CTNNA2: variants seen among roughly 807,000 people sequenced by gnomAD.
CTNNA2 encodes the protein catenin alpha-2.
Under a neutral mutation model 101.0 loss-of-function variants are expected in CTNNA2, and 42 were observed. The ratio of observed to expected loss-of-function variants is 0.42; its 90% CI spans 0.32 to 0.54. CTNNA2 has a LOEUF of 0.54. Ranked by LOEUF, CTNNA2 falls within the 20% of genes least tolerant of loss-of-function variation. CTNNA2 has a pLI of 0.14. For missense variants in CTNNA2, 871 were observed against 1,223.1 expected (o/e 0.71, Z 4.29); for synonymous variants, 450 against 456.4 (o/e 0.99, Z 0.18).
intron 1 of CTNNA2, among the ~76,000 whole-genome samples, chr2:79,637,741 C>T (rs972328564): frequency 6.6e-6 from 1 of 152,186 alleles, no homozygotes; most frequent in African/African-American, 2.4e-5. Context: ...TGTTCTGCCC[C>T]ACCAGACTTA....
At chr2:80,641,207 T>C (rs995942272) in intron 18 of CTNNA2, among the ~76,000 whole-genome samples, 1 of 152,160 alleles carries the variant, frequency 6.6e-6, no homozygotes, top group African/African-American at 2.4e-5. Context: ...AGTTCTTTTA[T>C]TTCAAAATCA....
intron 3 of CTNNA2, among the ~76,000 whole-genome samples, chr2:79,349,472 T>C (rs1677335463): frequency 1.3e-5 from 2 of 152,206 alleles, no homozygotes; most frequent in African/African-American, 4.8e-5. Context: ...CTTTGAAGAC[T>C]ATTATGCTAT....
intron 7 of CTNNA2, among the ~76,000 whole-genome samples, chr2:79,981,618 A>C (rs1691274869): frequency 6.6e-6 from 1 of 152,196 alleles, no homozygotes. Flanking sequence ...GCCACAGTAC[A>C]CAATAGACTT....
chr2:79,668,625 G>A (rs1682612995), intron 2 of CTNNA2, among the ~76,000 whole-genome samples: 2 of 152,094 alleles, frequency 1.3e-5, no homozygotes, highest in South Asian at 4.1e-4. Flanking sequence ...TGGACACAGT[G>A]AGTCACTATT....
chr2:79,521,671 A>C (rs1672128101), intron 1 of CTNNA2, among the ~76,000 whole-genome samples: 1 of 152,156 alleles, frequency 6.6e-6, no homozygotes, highest in Admixed American at 6.5e-5. Context: ...TTGGGTAAGT[A>C]AGCAGCAGTG....
chr2:79,249,235 A>T (rs185664110), intron 2 of CTNNA2, among the ~76,000 whole-genome samples: 1 of 152,168 alleles, frequency 6.6e-6, no homozygotes, highest in Admixed American at 6.5e-5. Context: ...AGCTATCATC[A>T]TATTTTTTCA....
At chr2:79,719,169 T>C (rs1457542215) in intron 2 of CTNNA2, among the ~76,000 whole-genome samples, 1 of 152,190 alleles carries the variant, frequency 6.6e-6, no homozygotes, top group Non-Finnish European at 1.5e-5. Context: ...AAGATTATGT[T>C]AATTCACTGT....
intron 7 of CTNNA2, among the ~76,000 whole-genome samples, chr2:80,172,448 A>G (rs1705127433): frequency 6.6e-6 from 1 of 152,152 alleles, no homozygotes; most frequent in East Asian, 1.9e-4. Flanking sequence ...GGGAGAAGGT[A>G]TGGTGTCCTC....
At chr2:79,582,062 G>T (rs998056759) in intron 1 of CTNNA2, among the ~76,000 whole-genome samples, 3 of 152,202 alleles carry the variant, frequency 2.0e-5, no homozygotes, top group Non-Finnish European at 4.4e-5. Flanking sequence ...TTAAAAGGGG[G>T]TTCTGGACTA....
chr2:79,936,668 G>A (rs1235295582), intron 7 of CTNNA2, among the ~76,000 whole-genome samples: 4 of 151,822 alleles, frequency 2.6e-5, no homozygotes, highest in African/African-American at 9.7e-5. Context: ...TTAAGCCATC[G>A]TTCCTCACCT....
In CTNNA2 at chr2:80,164,599, G is replaced by T. The variant is rs1900260; in HGVS notation, c.1057-228612G>T. 5.0e-3 allele frequency among the ~76,000 whole-genome samples: 754 copies of T among 151,884 alleles called. 9 individuals are homozygous for T. The highest frequency in any genetic ancestry group is 0.017 in the African/African-American group (697 of 41,486). On this transcript the variant is annotated intron_variant, in intron 7 of 18. Transcript: ENST00000402739. ...GTATTTTGTATTTTCCTGTATTTTTGCTTACCATATTTTTCTTTTTTCTTT... is the reference window on the plus strand; with the variant it reads ...GTATTTTGTATTTTCCTGTATTTTTTCTTACCATATTTTTCTTTTTTCTTT...
chr2:79,273,735 TAGTC>T (rs761687367), intron 2 of CTNNA2, among the ~76,000 whole-genome samples: 1 of 152,090 alleles, frequency 6.6e-6, no homozygotes. Flanking sequence ...CATTGAAAAT[TAGTC>T]AGATTTGCTT....
rs1674387323 is a variant in CTNNA2, at chr2:80,648,761, A to AAAT, written c.*889_*890insAAT. 1 of 152,076 alleles carries AAAT rather than the reference A, an allele frequency of 6.6e-6. No homozygotes were observed. The highest frequency in any genetic ancestry group is 1.5e-5 in the Non-Finnish European group (1 of 68,004). The allele number at this position is 152,076 out of a possible 1,614,324, so 9.4% of individuals were successfully genotyped here. A position where few individuals can be genotyped will look rare whatever the true frequency, so the allele number is the denominator to read the frequency against. The stretch of plus-strand genomic sequence containing the variant: ...CATTGTATTCACTAACTAACTCAAA[A>AAAT]TAAACACATTTAATCTTGACATCTC... On this transcript the variant is annotated 3_prime_UTR_variant, in exon 19 of 19. Transcript: ENST00000402739.
At chr2:80,091,723 C>T (rs1462483791) in intron 7 of CTNNA2, among the ~76,000 whole-genome samples, 1 of 151,896 alleles carries the variant, frequency 6.6e-6, no homozygotes, top group Non-Finnish European at 1.5e-5. Flanking sequence ...TGATGGGATA[C>T]CAGGAACATT....
intron 11 of CTNNA2, among the ~76,000 whole-genome samples, chr2:80,546,378 A>G (rs1692060991): frequency 6.6e-6 from 1 of 152,232 alleles, no homozygotes; most frequent in African/African-American, 2.4e-5. Context: ...AAAAAGGGCC[A>G]GGGAATATGG....
At chr2:79,690,242 G>A (rs890583068) in intron 2 of CTNNA2, among the ~76,000 whole-genome samples, 1 of 152,008 alleles carries the variant, frequency 6.6e-6, no homozygotes, top group Admixed American at 6.6e-5. Flanking sequence ...TGATAGAGAT[G>A]TCTGACTTTT....
At chr2:80,203,805 C>T (rs1029005265) in intron 7 of CTNNA2, among the ~76,000 whole-genome samples, 1 of 152,244 alleles carries the variant, frequency 6.6e-6, no homozygotes, top group Non-Finnish European at 1.5e-5. Flanking sequence ...TTCCCTTCCG[C>T]ACTGCCTTAG....
intron 1 of CTNNA2, among the ~76,000 whole-genome samples, chr2:79,546,858 A>C (rs1038006934): frequency 1.8e-4 from 28 of 152,200 alleles, no homozygotes; most frequent in Non-Finnish European, 3.2e-4. Flanking sequence ...TATTTTGAAG[A>C]AGTTAAGGAA....
intron 1 of CTNNA2, among the ~76,000 whole-genome samples, chr2:79,564,263 T>A (rs1241176251): frequency 1.3e-5 from 2 of 150,708 alleles, no homozygotes; most frequent in East Asian, 1.9e-4. Flanking sequence ...ATTAATATTT[T>A]AAATTTAAAA....
Sources: allele counts gnomAD v4.1 joint callset (sites outside exome capture counted in the v4.1 genomes callset), GRCh38; gene constraint gnomAD v4.1.1; transcripts MANE v1.5; gene names NCBI Gene and HGNC (gene_info 2026-07-23, HGNC 2026-07-21).